The following NAA11 variants were observed in gnomAD, a reference collection of about 807,000 sequenced individuals.
NAA11 encodes the protein N-alpha-acetyltransferase 11, NatA catalytic subunit.
A neutral mutation model predicts 16.1 loss-of-function variants in NAA11; 15 were observed. The ratio of observed to expected loss-of-function variants is 0.93; its 90% confidence interval spans 0.62 to 1.44. The LOEUF is 1.44. NAA11 is among the 40% of genes most tolerant of loss of function. The pLI, the probability that NAA11 is intolerant of heterozygous loss-of-function variation, is 0.00. For missense variants in NAA11, 298 were observed against 291.3 expected, an observed-to-expected ratio of 1.02 and a Z score of -0.17; for synonymous variants, 122 against 112.4, an observed-to-expected ratio of 1.09 and a Z score of -0.54.
At position 79,325,185 on chromosome 4, in the gene NAA11, G is replaced by A. The variant is rs565179836; in HGVS notation, c.*3C>T. 2 of 1,601,482 alleles carry A rather than the reference G, an allele frequency of 1.2e-6. No homozygotes were observed. The highest frequency in any genetic ancestry group is 1.3e-5 in the African/African-American group (1 of 74,832). ...AGGGAAGACAGAATACCTTAAGCAT[G>A]CTCTAGGAGGTGGAATCCGAGCTTT... On this transcript the variant is annotated 3_prime_UTR_variant, in exon 1 of 2. Transcript: ENST00000286794.
At chr4:79,171,580 C>G in the NAA11 span, among the ~76,000 whole-genome samples, 2 of 152,106 alleles carry the variant, frequency 1.3e-5, no homozygotes, top group African/African-American at 2.4e-5. Flanking sequence ...AGTAAAGACT[C>G]TGAAGGGGGA....
intron 2 of NAA11, among the ~76,000 whole-genome samples, chr4:79,256,669 T>TATATATATATA (rs1560427608): frequency 6.8e-6 from 1 of 146,872 alleles, no homozygotes; most frequent in African/African-American, 2.5e-5. Context: ...TATATATATA[T>TATATATATATA]TGACACGAGG....
At chr4:79,307,409 G>A (rs532458002) in intron 1 of NAA11, among the ~76,000 whole-genome samples, 1 of 152,140 alleles carries the variant, frequency 6.6e-6, no homozygotes, top group East Asian at 1.9e-4. Context: ...ATGTTCTTAT[G>A]TGTAACAAGT....
chr4:79,261,017 T>C (rs552910254), intron 2 of NAA11, among the ~76,000 whole-genome samples: 1 of 152,308 alleles, frequency 6.6e-6, no homozygotes, highest in African/African-American at 2.4e-5. Flanking sequence ...TCAGTAGGCC[T>C]TGAAGTGAAA....
intron 2 of NAA11, among the ~76,000 whole-genome samples, chr4:79,229,344 C>CT (rs1309942828): frequency 6.6e-6 from 1 of 151,802 alleles, no homozygotes; most frequent in Non-Finnish European, 1.5e-5. Flanking sequence ...TACCTCTGCT[C>CT]TTTTGTCAAA....
In NAA11 at chr4:79,247,514, C is replaced by T. The variant is rs548259032; in HGVS notation, c.*123-21244G>A. Among the ~76,000 whole-genome samples the T allele has an allele frequency of 8.5e-5, 13 of 152,168 alleles. No individual in the cohort carries two copies. In the South Asian group the frequency reaches 1.5e-3, roughly 17 times the overall value. ...GAGACAATACTTAATGATTCAGAAC[C>T]ACAACTAAGAATAAGAAGAGACCTT... On this transcript the variant is annotated intron_variant and NMD_transcript_variant, in intron 2 of 2. Coordinates refer to the NAA11 transcript ENST00000511542.
At chr4:79,309,240 G>C (rs1723686077) in intron 1 of NAA11, among the ~76,000 whole-genome samples, 1 of 152,028 alleles carries the variant, frequency 6.6e-6, no homozygotes, top group Admixed American at 6.6e-5. Flanking sequence ...GGAGATTATT[G>C]CTCATTTATT....
chr4:79,223,372 A>G (rs1721236204), downstream of NAA11, among the ~76,000 whole-genome samples: 1 of 150,646 alleles, frequency 6.6e-6, no homozygotes, highest in African/African-American at 2.4e-5. Flanking sequence ...GGAAATCATC[A>G]TTCTCAGTGA....
chr4:79,157,320 T>G, the NAA11 span, among the ~76,000 whole-genome samples: 1 of 152,136 alleles, frequency 6.6e-6, no homozygotes, highest in East Asian at 1.9e-4. Context: ...TCCTCATAGC[T>G]TAGCTCCCAC....
rs777733359 is a variant in NAA11, at chr4:79,325,322, A to C, written c.556T>G (p.Ser186Ala). The change falls in exon 1 of 2, where the codon TCT becomes GCT. Residue 186 changes from serine (S) to alanine (A), a missense_variant. Physicochemically the swap from Ser to Ala is moderately conservative, Grantham distance 99. Transcript: ENST00000286794. ...TGCTGACAGGCCTCTTCAGAATCAG[A>C]AAGTGTGCTGCCCTGGGTCTCCTGG... ...ENQETQGSTL[S>A]DSEEACQQKN... 6.2e-7 allele frequency: 1 copy of C among 1,613,930 alleles called. No homozygotes were observed. The highest frequency in any genetic ancestry group is 8.5e-7 in the Non-Finnish European group (1 of 1,179,866).
the NAA11 span, among the ~76,000 whole-genome samples, chr4:79,158,481 C>T: frequency 1.3e-5 from 2 of 151,848 alleles, no homozygotes; most frequent in African/African-American, 4.8e-5. Context: ...CAAATTGAAA[C>T]ACATCCCATG....
intron 2 of NAA11, among the ~76,000 whole-genome samples, chr4:79,275,364 G>A (rs935497830): frequency 6.6e-6 from 1 of 152,022 alleles, no homozygotes; most frequent in African/African-American, 2.4e-5. Flanking sequence ...GTTGCCATAG[G>A]AAGAAGTGAT....
intron 2 of NAA11, among the ~76,000 whole-genome samples, chr4:79,277,187 A>G (rs775146531): frequency 4.6e-5 from 7 of 152,138 alleles, no homozygotes; most frequent in Non-Finnish European, 1.0e-4. Flanking sequence ...TCAAGGGTAA[A>G]TGACCCCTTT....
chr4:79,216,608 T>C, the NAA11 span, among the ~76,000 whole-genome samples: 1 of 152,160 alleles, frequency 6.6e-6, no homozygotes, highest in Non-Finnish European at 1.5e-5. Flanking sequence ...AAAAGTATCT[T>C]AAATAATATT....
intron 2 of NAA11, chr4:79,244,617 T>TCTCCCCCTCCCC (rs1560418018): frequency 2.4e-5 from 1 of 41,650 alleles, no homozygotes; most frequent in Non-Finnish European, 6.6e-5. Context: ...TCACTCTCCC[T>TCTCCCCCTCCCC]CTCCCCCTCC....
chr4:79,245,737 C>T lies in NAA11; in HGVS notation c.*123-19467G>A, dbSNP rs111921468. ...CCCTCTGGGAGGTTGGGGGCGCCCC[C>T]GCCCGGCAGCCACCCCCTCTGGGAG... On this transcript the variant is annotated intron_variant and NMD_transcript_variant, in intron 2 of 2. Coordinates refer to the NAA11 transcript ENST00000511542. 5.6e-3 allele frequency among the ~76,000 whole-genome samples: 851 copies of T among 151,192 alleles called. 8 individuals carry two copies. Among genetic ancestry groups the T allele is most frequent in the African/African-American group, 0.019 (785 of 41,130 alleles).
intron 2 of NAA11, among the ~76,000 whole-genome samples, chr4:79,233,708 A>G (rs1721513383): frequency 6.6e-6 from 1 of 152,060 alleles, no homozygotes; most frequent in South Asian, 2.1e-4. Context: ...TAAAATTTAG[A>G]TAAAATTACC....
chr4:79,293,048 G>T (rs1332741819), intron 2 of NAA11, among the ~76,000 whole-genome samples: 1 of 152,068 alleles, frequency 6.6e-6, no homozygotes, highest in Non-Finnish European at 1.5e-5. Flanking sequence ...AAGAAAAAAA[G>T]TATAGTTTTT....
chr4:79,234,017 G>C (rs745984220), intron 2 of NAA11, among the ~76,000 whole-genome samples: 2 of 152,054 alleles, frequency 1.3e-5, no homozygotes, highest in Non-Finnish European at 2.9e-5. Flanking sequence ...AACCAGTGCA[G>C]AAGAACACAG....
Sources: gnomAD v4.1 joint callset for allele counts (sites outside exome capture counted in the v4.1 genomes callset) on GRCh38, gnomAD v4.1.1 for gene constraint, MANE v1.5 for transcripts, NCBI Gene and HGNC (gene_info 2026-07-23, HGNC 2026-07-21) for gene names.